MPP2: variants seen among roughly 807,000 people sequenced by gnomAD.
The protein encoded by MPP2 is MAGUK p55 scaffold protein 2, also known as MAGUK p55 subfamily member 2.
Under a neutral mutation model 58.5 loss-of-function variants are expected in MPP2, and 42 were observed. The ratio of observed to expected loss-of-function variants is 0.72; its 90% confidence interval spans 0.56 to 0.93. MPP2 has a LOEUF of 0.93. Among genes scored for constraint, MPP2 ranks in the 40% least tolerant of loss-of-function variants. MPP2 has a pLI of 0.00. For synonymous variants in MPP2, 300 were observed against 307.8 expected (o/e 0.97, Z 0.26); for missense variants, 632 against 760.4 (o/e 0.83, Z 1.99).
chr17:43,881,559 G>C lies in MPP2; in HGVS notation c.712C>G (p.Pro238Ala). The C allele has an allele frequency of 6.2e-7, 1 of 1,614,070 alleles. No individual in the cohort carries two copies. The highest frequency in any genetic ancestry group is 1.1e-5 in the South Asian group (1 of 91,082). ...VFVKCHFDYD[P>A]ARDSLIPCKE... ...CAGGGGATGAGGCTGTCTCGGGCCG[G>C]GTCATAGTCAAAGTGACATTTCACA... Residue 238 changes from proline to alanine, a missense_variant, in exon 7 of 13, where the codon CCG becomes GCG. By Grantham distance (27) the Pro-to-Ala change is conservative. Coordinates refer to ENST00000269095, the MANE Select transcript of MPP2 (RefSeq NM_005374.5).
chr17:43,892,453 G>A (rs1271067722), intron 3 of MPP2, among the ~76,000 whole-genome samples: 2 of 152,186 alleles, frequency 1.3e-5, no homozygotes, highest in Non-Finnish European at 2.9e-5. Flanking sequence ...TCCAATGCAG[G>A]GAGCTCTGAG....
upstream of MPP2, among the ~76,000 whole-genome samples, chr17:43,908,710 A>G (rs2048372801): frequency 6.6e-6 from 1 of 152,228 alleles, no homozygotes; most frequent in Admixed American, 6.5e-5. Flanking sequence ...CCCTGTCTCA[A>G]AAGAAACAAA....
intron 3 of MPP2, among the ~76,000 whole-genome samples, chr17:43,894,191 G>A (rs570720566): frequency 6.6e-6 from 1 of 151,692 alleles, no homozygotes; most frequent in Admixed American, 6.6e-5. Context: ...GGCCAAGGCA[G>A]GCGGATTGCG....
chr17:43,882,335 A>G lies in MPP2; in HGVS notation c.630T>C (p.Ser210=). ...AGCTGGGCAGGATCTTGAGGATGAC[A>G]CTGCCACTGGCATTGCGCAGGAGCT... The part of the protein sequence containing the change: ...LQELLRNASG[S]VILKILPSYQ... The change falls in exon 6 of 13, where the codon AGT becomes AGC. Residue 210 remains serine (S), a synonymous_variant. Transcript: ENST00000269095. The G allele has an allele frequency of 6.2e-7, 1 of 1,612,534 alleles. No homozygotes were observed. The highest frequency in any genetic ancestry group is 8.5e-7 in the Non-Finnish European group (1 of 1,179,942).
upstream of MPP2, among the ~76,000 whole-genome samples, chr17:43,909,378 A>G (rs1435494926): frequency 6.6e-6 from 1 of 152,114 alleles, no homozygotes; most frequent in Non-Finnish European, 1.5e-5. Flanking sequence ...GAAAATCCTT[A>G]TAATTGAATT....
intron 2 of MPP2, chr17:43,900,531 C>G (rs1370631439): frequency 6.5e-7 from 1 of 1,547,632 alleles, no homozygotes; most frequent in African/African-American, 1.4e-5. Flanking sequence ...AAGGAGACCC[C>G]GCTGCCTGGG....
Position 43,900,734 on chromosome 17 carries a change from CT to C in MPP2, c.32-2355del. ...TGATTGGCTAAAGCCCTGACTGGCG[CT>C]GCGCGGTGCAGAGCAGGCGGTAACC... On this transcript the variant is annotated intron_variant, in intron 2 of 12. Transcript: ENST00000269095. 2.6e-6 allele frequency: 3 copies of C among 1,162,698 alleles called. No homozygotes were observed. In the South Asian group the frequency reaches 5.5e-5, roughly 21 times the overall value. The allele number at this position is 1,162,698 out of a possible 1,614,324, so 72.0% of individuals were successfully genotyped here.
intron 3 of MPP2, chr17:43,884,122 C>T (rs2047265842): frequency 4.3e-6 from 3 of 702,664 alleles, no homozygotes; most frequent in African/African-American, 3.5e-5. Context: ...GGAACAAAGA[C>T]ATTCTGCTGC....
chr17:43,882,485 G>A lies in MPP2; in HGVS notation c.480C>T (p.Gly160=), dbSNP rs751213066. ...GCAGAATGCGCGCGATCACCAGCTC[G>A]CCGCCCTCCACGCGGAACGTTACAC... ...HLGVTFRVEG[G]ELVIARILHG... The change falls in exon 6 of 13, where the codon GGC becomes GGT. Residue 160 remains glycine, a synonymous_variant. Transcript: ENST00000269095. 33 of 1,605,050 alleles carry A rather than the reference G, an allele frequency of 2.1e-5. No homozygotes were observed. The highest frequency in any genetic ancestry group is 4.4e-5 in the South Asian group (4 of 91,060).
At chr17:43,890,003 G>A (rs1476289456) in intron 3 of MPP2, among the ~76,000 whole-genome samples, 1 of 151,620 alleles carries the variant, frequency 6.6e-6, no homozygotes, top group Admixed American at 6.6e-5. Context: ...TAGTAGAGAC[G>A]GGGTTTCACC....
At chr17:43,892,939 C>T (rs1315728641) in intron 3 of MPP2, among the ~76,000 whole-genome samples, 1 of 152,112 alleles carries the variant, frequency 6.6e-6, no homozygotes, top group Non-Finnish European at 1.5e-5. Context: ...CTGCCATAAC[C>T]CCAGCACTGT....
intron 3 of MPP2, among the ~76,000 whole-genome samples, chr17:43,897,381 T>C (rs1238701868): frequency 6.6e-6 from 1 of 152,196 alleles, no homozygotes. Flanking sequence ...CTCGGGAGAC[T>C]GAGGCAGAAG....
chr17:43,883,445 T>C lies in MPP2; in HGVS notation c.151-90A>G, dbSNP rs59578090. ...GGTCCTCCCTCAGCCCCCAGGCATT[T>C]TCCCCATCCCACCCCCCAGCCCCCA... On this transcript the variant is annotated intron_variant, in intron 3 of 12. Transcript: ENST00000269095. The C allele has an allele frequency of 0.01, 14,915 of 1,436,962 alleles. 463 individuals are homozygous for C. In the African/African-American group the frequency reaches 0.11, roughly 11 times the overall value. 89.0% of individuals were successfully genotyped at this position (1,436,962 alleles called of 1,614,324 possible). A position where few individuals can be genotyped will look rare whatever the true frequency, so the allele number is the denominator to read the frequency against.
chr17:43,887,928 T>G (rs1005934225), intron 3 of MPP2, among the ~76,000 whole-genome samples: 25 of 152,094 alleles, frequency 1.6e-4, no homozygotes, highest in African/African-American at 6.0e-4. Flanking sequence ...ATGGCTGAGA[T>G]GTACTCCAAA....
chr17:43,903,868 C>T (rs1168233396), intron 2 of MPP2, among the ~76,000 whole-genome samples: 1 of 152,222 alleles, frequency 6.6e-6, no homozygotes, highest in Non-Finnish European at 1.5e-5. Flanking sequence ...GCTAGTTTGT[C>T]TGAGTGGCCC....
At chr17:43,909,431 G>T, upstream of MPP2, 1 of 585,236 alleles carries the variant, frequency 1.7e-6, no homozygotes, top group Non-Finnish European at 2.6e-6. Flanking sequence ...ACCCTCCACT[G>T]TCACCTGTCC....
chr17:43,877,839 G>C lies in MPP2; in HGVS notation c.1627C>G (p.Pro543Ala). Residue 543 changes from proline (P) to alanine (A), a missense_variant, in exon 13 of 13, where the codon CCC becomes GCC. Transcript: ENST00000269095. ...ACCCAGCTGACAGGCACCCACTGGGGCTCTGTCCGTAGCTTCTCCATGGCT... is the reference window on the plus strand; with the variant it reads ...ACCCAGCTGACAGGCACCCACTGGGCCTCTGTCCGTAGCTTCTCCATGGCT... ...QTAMEKLRTEPQWVPVSWVY is the reference protein window; with the variant it reads ...QTAMEKLRTEAQWVPVSWVY 2 of 1,613,960 alleles carry C rather than the reference G, an allele frequency of 1.2e-6. No homozygotes were observed. Among genetic ancestry groups the C allele is most frequent in the Non-Finnish European group, 1.7e-6 (2 of 1,179,880 alleles).
upstream of MPP2, among the ~76,000 whole-genome samples, chr17:43,908,644 G>C (rs959830577): frequency 1.3e-5 from 2 of 152,222 alleles, no homozygotes; most frequent in African/African-American, 4.8e-5. Flanking sequence ...GGGAAGCTGA[G>C]GCTGCAGTGA....
At chr17:43,881,056 A>C in intron 9 of MPP2, 34 bp downstream of exon 9, 1 of 1,607,196 alleles carries the variant, frequency 6.2e-7, no homozygotes, top group East Asian at 2.2e-5. Flanking sequence ...GCCATGTTAG[A>C]GGAGGGTAAG....
Sources: allele counts gnomAD v4.1 joint callset (sites outside exome capture counted in the v4.1 genomes callset), GRCh38; gene constraint gnomAD v4.1.1; transcripts MANE v1.5; gene names NCBI Gene and HGNC (gene_info 2026-07-23, HGNC 2026-07-21).